EGFR: variants seen among roughly 807,000 people sequenced by gnomAD.
The protein encoded by EGFR is avian erythroblastic leukemia viral (v-erb-b) oncogene homolog.
EGFR carries 58 observed loss-of-function variants against 143.0 expected under a neutral mutation model. The ratio of observed to expected loss-of-function variants is 0.41; its 90% CI spans 0.33 to 0.50. The LOEUF (loss-of-function observed/expected upper bound fraction) is 0.50. EGFR is among the 20% of genes least tolerant of loss of function. The pLI is 0.39. For missense variants in EGFR, 1,307 were observed against 1,579.0 expected (o/e 0.83, Z 2.92); for synonymous variants, 613 against 594.4 (o/e 1.03, Z -0.45).
At chr7:55,113,855 T>G (rs1043726023) in intron 1 of EGFR, among the ~76,000 whole-genome samples, 4 of 152,214 alleles carry the variant, frequency 2.6e-5, no homozygotes, top group Admixed American at 6.5e-5. Context: ...AGAAAGTAGG[T>G]GCCTGCCTTC....
At chr7:55,184,619 T>A (rs768715354) in intron 20 of EGFR, among the ~76,000 whole-genome samples, 12 of 152,244 alleles carry the variant, frequency 7.9e-5, no homozygotes, top group Non-Finnish European at 1.5e-4. Flanking sequence ...TGCATAATAT[T>A]ACCTACAATT....
Position 55,151,875 on chromosome 7 carries a change from AAACAACAACAAC to A in EGFR, c.628+528_628+539del, listed in dbSNP as rs17336556. Among the ~76,000 whole-genome samples the A allele has an allele frequency of 5.3e-5, 8 of 151,256 alleles. No homozygotes were observed. The East Asian group carries it at 1.2e-3, about 22-fold the overall frequency. On this transcript the variant is annotated intron_variant, in intron 5 of 27. Coordinates refer to ENST00000275493, the MANE Select transcript of EGFR (RefSeq NM_005228.5). ...GGCGACAGAGCGAGACTCCGTCTCA[AAACAACAACAAC>A]AACAACAACAACAATAAGTGAACAT...
intron 15 of EGFR, among the ~76,000 whole-genome samples, chr7:55,167,714 C>T (rs1469991547): frequency 2.0e-5 from 3 of 151,690 alleles, no homozygotes; most frequent in African/African-American, 4.8e-5. Flanking sequence ...GTGGTGAGGA[C>T]GTGGGAGTAA....
chr7:55,092,922 T>C (rs1171993266), intron 1 of EGFR, among the ~76,000 whole-genome samples: 12 of 152,276 alleles, frequency 7.9e-5, no homozygotes, highest in Admixed American at 6.5e-4. Context: ...GGCTTTTTAT[T>C]GCTAGCATTT....
intron 1 of EGFR, among the ~76,000 whole-genome samples, chr7:55,091,888 ACAC>A (rs1791145679): frequency 1.1e-5 from 1 of 92,894 alleles, no homozygotes; most frequent in Non-Finnish European, 2.3e-5. Flanking sequence ...ACACACACAC[ACAC>A]CCTGAGAGAG....
intron 1 of EGFR, among the ~76,000 whole-genome samples, chr7:55,069,385 T>A (rs1789696096): frequency 6.6e-6 from 1 of 152,206 alleles, no homozygotes; most frequent in East Asian, 1.9e-4. Flanking sequence ...AAGTATCTGC[T>A]GAGCTAATAA....
intron 1 of EGFR, among the ~76,000 whole-genome samples, chr7:55,054,228 C>T (rs1236153438): frequency 6.6e-6 from 1 of 152,224 alleles, no homozygotes; most frequent in African/African-American, 2.4e-5. Context: ...GATCTCCTGA[C>T]TGTCATGCCC....
intron 1 of EGFR, among the ~76,000 whole-genome samples, chr7:55,100,693 C>T (rs1446248658): frequency 6.6e-6 from 1 of 152,198 alleles, no homozygotes; most frequent in Non-Finnish European, 1.5e-5. Flanking sequence ...ACACGCCGTC[C>T]TTGGGGTGGG....
chr7:55,040,528 C>T (rs1787842265), intron 1 of EGFR, among the ~76,000 whole-genome samples: 1 of 152,086 alleles, frequency 6.6e-6, no homozygotes, highest in African/African-American at 2.4e-5. Context: ...TATTTCAGAG[C>T]TGGTTGAAAA....
chr7:55,038,880 T>C (rs1309477090), intron 1 of EGFR, among the ~76,000 whole-genome samples: 1 of 151,842 alleles, frequency 6.6e-6, no homozygotes, highest in Non-Finnish European at 1.5e-5. Context: ...GCTGCTTCCC[T>C]GCCGGCAGGT....
At chr7:55,192,744 C>T (rs190385690) in intron 21 of EGFR, 22 bp from the exon 22 acceptor site, 2 of 1,607,692 alleles carry the variant, frequency 1.2e-6, no homozygotes, top group Admixed American at 1.7e-5. Context: ...TGTCTCACTG[C>T]CTCATCTCTC....
At chr7:55,078,529 GGGA>G (rs1179755405) in intron 1 of EGFR, among the ~76,000 whole-genome samples, 1 of 152,200 alleles carries the variant, frequency 6.6e-6, no homozygotes, top group African/African-American at 2.4e-5. Context: ...GTCCCCCGTG[GGGA>G]ACTGCTGCCC....
intron 11 of EGFR, among the ~76,000 whole-genome samples, chr7:55,158,299 G>A (rs1056376530): frequency 3.3e-5 from 5 of 152,182 alleles, no homozygotes; most frequent in African/African-American, 1.2e-4. Flanking sequence ...ATATGGTAAT[G>A]GTAATCATCA....
chr7:55,161,522 G>A lies in EGFR; in HGVS notation c.1522G>A (p.Ala508Thr), dbSNP rs1407608935. 1 of 1,614,214 alleles carries A rather than the reference G, an allele frequency of 6.2e-7. No homozygotes were observed. The highest frequency in any genetic ancestry group is 8.5e-7 in the Non-Finnish European group (1 of 1,180,050). The change falls in exon 13 of 28, where the codon GCC becomes ACC. Residue 508 changes from alanine to threonine, a missense_variant. Transcript: ENST00000275493. ...AGAGGCCACAGGCCAGGTCTGCCAT[G>A]CCTTGTGCTCCCCCGAGGGCTGCTG... Reference protein sequence around the residue: ...SCKATGQVCHALCSPEGCWGP... With the variant: ...SCKATGQVCHTLCSPEGCWGP...
chr7:55,160,388 T>C, intron 12 of EGFR, 50 bp downstream of exon 12: 3 of 1,562,338 alleles, frequency 1.9e-6, no homozygotes, highest in Non-Finnish European at 2.6e-6. Context: ...TAATGGGTCC[T>C]TTATTTGTAT....
At chr7:55,099,530 C>T (rs1447008621) in intron 1 of EGFR, among the ~76,000 whole-genome samples, 1 of 152,138 alleles carries the variant, frequency 6.6e-6, no homozygotes, top group African/African-American at 2.4e-5. Context: ...GGGGGGAATT[C>T]GGGAGCTGGT....
intron 1 of EGFR, among the ~76,000 whole-genome samples, chr7:55,112,968 A>C (rs1039659711): frequency 6.6e-6 from 1 of 152,226 alleles, no homozygotes; most frequent in Non-Finnish European, 1.5e-5. Context: ...GTCATCAAGG[A>C]AGATTAAATT....
intron 1 of EGFR, among the ~76,000 whole-genome samples, chr7:55,120,840 A>G (rs1793159365): frequency 6.6e-6 from 1 of 152,224 alleles, no homozygotes; most frequent in African/African-American, 2.4e-5. Flanking sequence ...GACATTGTTA[A>G]CATTGCTTAT....
chr7:55,022,349 G>A (rs776842949), intron 1 of EGFR, among the ~76,000 whole-genome samples: 5 of 152,124 alleles, frequency 3.3e-5, no homozygotes, highest in East Asian at 1.9e-4. Context: ...CAGTAGGTCC[G>A]AGCTGTCTTA....
Sources: allele counts gnomAD v4.1 joint callset (sites outside exome capture counted in the v4.1 genomes callset), GRCh38; gene constraint gnomAD v4.1.1; transcripts MANE v1.5; gene names NCBI Gene and HGNC (gene_info 2026-07-23, HGNC 2026-07-21).